The following PPP2R1B variants were observed in gnomAD, a reference collection of about 807,000 sequenced individuals.
The protein encoded by PPP2R1B is protein phosphatase 2 scaffold subunit Abeta.
PPP2R1B carries 58 observed loss-of-function variants against 72.7 expected under a neutral mutation model. The observed-to-expected ratio is 0.80, with a 90% CI of 0.65 to 0.99. The LOEUF is 0.99. Ranked by LOEUF, PPP2R1B falls within the 50% of genes least tolerant of loss-of-function variation. The pLI, the probability that PPP2R1B is intolerant of heterozygous loss-of-function variation, is 0.00. For synonymous variants in PPP2R1B, 256 were observed against 264.6 expected, an observed-to-expected ratio of 0.97 and a Z score of 0.32; for missense variants, 695 against 733.6, an observed-to-expected ratio of 0.95 and a Z score of 0.61.
chr11:111,700,061 A>T, the PPP2R1B span, among the ~76,000 whole-genome samples: 31 of 152,254 alleles, frequency 2.0e-4, no homozygotes, highest in African/African-American at 7.2e-4. Flanking sequence ...TTCGGTAAGA[A>T]TATGAGACTA....
intron 4 of PPP2R1B, 114 bp downstream of exon 4, chr11:111,760,705 T>C (rs910865879): frequency 5.6e-6 from 5 of 894,678 alleles, no homozygotes; most frequent in South Asian, 1.6e-5. Context: ...CAGCCACTCA[T>C]TGGTAACAAG....
chr11:111,724,371 C>T (rs572901294), downstream of PPP2R1B: 36 of 547,394 alleles, frequency 6.6e-5, no homozygotes, highest in East Asian at 8.4e-4. Flanking sequence ...TCCTGCCCTT[C>T]GGTCGAGTGG....
downstream of PPP2R1B, among the ~76,000 whole-genome samples, chr11:111,735,999 G>A (rs769997759): frequency 2.0e-5 from 3 of 152,156 alleles, no homozygotes; most frequent in South Asian, 2.1e-4. Context: ...GTCATGGGGC[G>A]GGGGATTTTT....
intron 8 of PPP2R1B, among the ~76,000 whole-genome samples, chr11:111,753,904 C>T (rs1040778511): frequency 6.6e-6 from 1 of 151,880 alleles, no homozygotes; most frequent in African/African-American, 2.4e-5. Flanking sequence ...CAGGTGTGAG[C>T]CACCACGCCT....
chr11:111,722,664 G>A (rs1943837757), downstream of PPP2R1B: 1 of 1,613,384 alleles, frequency 6.2e-7, no homozygotes, highest in Non-Finnish European at 8.5e-7. The surrounding 1 kb of genome is among the most constrained non-coding windows in gnomAD (Gnocchi z 4.4). Context: ...TGCTCTTCCA[G>A]AAGCCCAGCC....
chr11:111,722,522 CAG>C (rs1470031270), downstream of PPP2R1B: 35 of 763,960 alleles, frequency 4.6e-5, no homozygotes, highest in East Asian at 8.9e-4. This position sits in a 1 kb window ranked among gnomAD's most constrained non-coding sequence, Gnocchi z 4.4. Context: ...TTCAGGGTCT[CAG>C]GGAGTAAATG....
At chr11:111,711,273 C>A in the PPP2R1B span, among the ~76,000 whole-genome samples, 1 of 152,068 alleles carries the variant, frequency 6.6e-6, no homozygotes, top group African/African-American at 2.4e-5. Context: ...CACCCGCCAC[C>A]ACACCCAGCT....
downstream of PPP2R1B, among the ~76,000 whole-genome samples, chr11:111,736,231 C>T (rs1944336011): frequency 6.6e-6 from 1 of 152,150 alleles, no homozygotes; most frequent in African/African-American, 2.4e-5. Flanking sequence ...AACTTATTCT[C>T]AGTAACTCCT....
chr11:111,690,624 C>G, the PPP2R1B span, among the ~76,000 whole-genome samples: 2 of 151,452 alleles, frequency 1.3e-5, no homozygotes, highest in South Asian at 4.2e-4. Context: ...CCCTCACCCC[C>G]AAAGAGGCCC....
At chr11:111,732,660 C>CA (rs1480690114) in intron 15 of PPP2R1B, among the ~76,000 whole-genome samples, 3 of 152,208 alleles carry the variant, frequency 2.0e-5, no homozygotes, top group African/African-American at 7.2e-5. Flanking sequence ...CACTGCACTC[C>CA]AGCCTGAGCG....
chr11:111,752,047 T>C lies in PPP2R1B; in HGVS notation c.1338+112A>G, dbSNP rs955533026. Reference sequence around the variant, plus strand: ...ATAGGTAACAAGAACAAGGCCATACTTTCATGCATCTAAACAAACATAAGC... The same window carrying C: ...ATAGGTAACAAGAACAAGGCCATACCTTCATGCATCTAAACAAACATAAGC... On this transcript the variant is annotated intron_variant, in intron 10 of 14. Coordinates refer to ENST00000527614, the MANE Select transcript of PPP2R1B (RefSeq NM_002716.5). The C allele has an allele frequency of 2.1e-5, 25 of 1,186,506 alleles. No homozygotes were observed. The African/African-American group carries it at 3.9e-4, about 18-fold the overall frequency. The allele number at this position is 1,186,506 out of a possible 1,614,324, so 73.5% of individuals were successfully genotyped here.
the PPP2R1B span, among the ~76,000 whole-genome samples, chr11:111,696,744 T>A: frequency 2.6e-5 from 4 of 152,246 alleles, no homozygotes; most frequent in African/African-American, 7.2e-5. Context: ...CTTCTGTGTT[T>A]GTACAGTGGT....
chr11:111,765,494 A>G, intron 1 of PPP2R1B, 110 bp from the exon 2 acceptor site: 2 of 849,714 alleles, frequency 2.4e-6, no homozygotes, highest in East Asian at 5.1e-5. Context: ...AAGAATGAAG[A>G]TAACCTTTCA....
downstream of PPP2R1B, chr11:111,723,881 T>C: frequency 6.2e-7 from 1 of 1,610,240 alleles, no homozygotes; most frequent in Non-Finnish European, 8.5e-7. Flanking sequence ...CTTACAGTTC[T>C]CCTATCAGAC....
chr11:111,720,257 C>T, the PPP2R1B span, among the ~76,000 whole-genome samples: 1 of 152,260 alleles, frequency 6.6e-6, no homozygotes, highest in Admixed American at 6.5e-5. Context: ...GACTCTGGCT[C>T]TTTTGGACTG....
chr11:111,702,355 C>T, the PPP2R1B span, among the ~76,000 whole-genome samples: 4 of 152,138 alleles, frequency 2.6e-5, no homozygotes, highest in African/African-American at 4.8e-5. Flanking sequence ...GAGGCTGAGG[C>T]GGGAGGATCT....
the PPP2R1B span, among the ~76,000 whole-genome samples, chr11:111,709,052 C>A: frequency 5.3e-5 from 8 of 152,270 alleles, no homozygotes; most frequent in East Asian, 1.5e-3. Context: ...CTAGGGCTGC[C>A]GTAACGAAAT....
chr11:111,694,286 A>C, the PPP2R1B span, among the ~76,000 whole-genome samples: 4 of 152,198 alleles, frequency 2.6e-5, no homozygotes, highest in African/African-American at 4.8e-5. Flanking sequence ...TTTAGGACCA[A>C]GGAAAGTTTT....
chr11:111,759,710 T>A, intron 5 of PPP2R1B, 94 bp downstream of exon 5: 1 of 1,361,222 alleles, frequency 7.3e-7, no homozygotes, highest in Non-Finnish European at 9.9e-7. Flanking sequence ...GTAAAAAGAA[T>A]CCTAACAAGA....
Sources: allele counts gnomAD v4.1 joint callset (sites outside exome capture counted in the v4.1 genomes callset), GRCh38; gene constraint gnomAD v4.1.1; non-coding constraint Gnocchi (gnomAD v3.1); transcripts MANE v1.5; gene names NCBI Gene and HGNC (gene_info 2026-07-23, HGNC 2026-07-21).